NPFFR2: variants seen among roughly 807,000 people sequenced by gnomAD.
The protein encoded by NPFFR2 is neuropeptide FF receptor 2.
NPFFR2 carries 15 observed loss-of-function variants against 13.1 expected under a neutral mutation model. That is an observed-to-expected ratio of 1.15 (90% CI 0.77 to 1.76). The LOEUF (loss-of-function observed/expected upper bound fraction) is 1.76. Among genes scored for constraint, NPFFR2 ranks in the 40% most tolerant of loss-of-function variants. The probability of loss-of-function intolerance (pLI) is 0.00; values close to 1 mark genes in which losing one functional copy is unlikely to be tolerated. For missense variants in NPFFR2, 572 were observed against 503.5 expected (o/e 1.14, Z -1.30); for synonymous variants, 190 against 175.7 (o/e 1.08, Z -0.65).
chr4:72,036,511 G>GTA (rs1178387661), intron 1 of NPFFR2, among the ~76,000 whole-genome samples: 2 of 120,092 alleles, frequency 1.7e-5, no homozygotes, highest in East Asian at 3.8e-4. Context: ...GTGTGTGTGT[G>GTA]TATATATATA....
intron 1 of NPFFR2, among the ~76,000 whole-genome samples, chr4:72,050,767 C>G: frequency 6.7e-6 from 1 of 149,064 alleles, no homozygotes; most frequent in African/African-American, 2.5e-5. Flanking sequence ...TCCCACCTCC[C>G]CCCACCCCAC....
chr4:72,126,025 G>T (rs1326479015), intron 1 of NPFFR2, among the ~76,000 whole-genome samples: 1 of 152,068 alleles, frequency 6.6e-6, no homozygotes, highest in African/African-American at 2.4e-5. Flanking sequence ...TACATTTATG[G>T]AATTTTTCTA....
At position 72,147,870 on chromosome 4, in the gene NPFFR2, T is replaced by A; in HGVS notation, c.*58T>A. ...CGCATTATATATTTAAATCCATTGC[T>A]TTTTGTGGCTTTGCACTTCAAATTT... On this transcript the variant is annotated 3_prime_UTR_variant, in exon 4 of 4. Transcript: ENST00000308744. 2 of 1,259,746 alleles carry A rather than the reference T, an allele frequency of 1.6e-6. No individual in the cohort carries two copies. Among genetic ancestry groups the A allele is most frequent in the Non-Finnish European group, 2.1e-6 (2 of 937,552 alleles). 78.0% of individuals were successfully genotyped at this position (1,259,746 alleles called of 1,614,324 possible).
intron 3 of NPFFR2, among the ~76,000 whole-genome samples, chr4:72,139,055 G>C (rs916925503): frequency 6.6e-6 from 1 of 152,188 alleles, no homozygotes; most frequent in Non-Finnish European, 1.5e-5. Flanking sequence ...CTGCACAAAT[G>C]TCTTCTTTTG....
chr4:72,129,890 G>A (rs1229648500), intron 2 of NPFFR2, among the ~76,000 whole-genome samples: 3 of 79,526 alleles, frequency 3.8e-5, no homozygotes, highest in Middle Eastern at 3.9e-3. Context: ...AGGTCCCTGC[G>A]GCCTTCCGCA....
intron 1 of NPFFR2, among the ~76,000 whole-genome samples, chr4:72,108,828 T>A (rs1209184366): frequency 1.3e-5 from 2 of 152,022 alleles, no homozygotes; most frequent in African/African-American, 4.8e-5. Flanking sequence ...TGGAGACACT[T>A]AATTGAACAA....
intron 2 of NPFFR2, among the ~76,000 whole-genome samples, chr4:72,132,191 A>G (rs928835741): frequency 4.6e-5 from 7 of 151,038 alleles, no homozygotes; most frequent in African/African-American, 1.7e-4. Flanking sequence ...AGGCCCCAGT[A>G]CGTGTCGTTC....
chr4:72,086,064 G>T (rs978694639), intron 1 of NPFFR2, among the ~76,000 whole-genome samples: 7 of 152,020 alleles, frequency 4.6e-5, no homozygotes, highest in Admixed American at 2.6e-4. Context: ...AGGTTATTAT[G>T]AGCATTCTTT....
At chr4:72,136,550 G>A (rs1165553878) in intron 2 of NPFFR2, among the ~76,000 whole-genome samples, 2 of 152,146 alleles carry the variant, frequency 1.3e-5, no homozygotes, top group Non-Finnish European at 2.9e-5. Context: ...TATTCATTGG[G>A]AAATTCCCAA....
chr4:72,112,468 A>G (rs897499049), intron 1 of NPFFR2, among the ~76,000 whole-genome samples: 3 of 151,918 alleles, frequency 2.0e-5, no homozygotes, highest in Non-Finnish European at 4.4e-5. Flanking sequence ...CCCCCTCTGC[A>G]TTACCTGAGC....
chr4:72,035,703 A>G (rs568465138), intron 1 of NPFFR2, among the ~76,000 whole-genome samples: 2 of 152,308 alleles, frequency 1.3e-5, no homozygotes, highest in African/African-American at 4.8e-5. Context: ...TAGAAAAAGG[A>G]AAGAAAAAAC....
intron 1 of NPFFR2, among the ~76,000 whole-genome samples, chr4:72,067,627 T>A (rs1376559749): frequency 2.9e-4 from 1 of 3,450 alleles, no homozygotes; most frequent in Admixed American, 4.9e-3. Flanking sequence ...CCTTCTTCAG[T>A]TTTTTTTCTC....
At chr4:72,143,758 A>G (rs2109849225) in intron 3 of NPFFR2, among the ~76,000 whole-genome samples, 1 of 152,292 alleles carries the variant, frequency 6.6e-6, no homozygotes, top group Admixed American at 6.5e-5. Context: ...TCATCTCTGT[A>G]TCTCAAATCC....
At chr4:72,120,640 C>T (rs1055030212) in intron 1 of NPFFR2, among the ~76,000 whole-genome samples, 1 of 152,138 alleles carries the variant, frequency 6.6e-6, no homozygotes, top group Non-Finnish European at 1.5e-5. Context: ...CTCCAGCAAA[C>T]TCTAGTAGAC....
At chr4:72,146,346 T>G (rs1030104683) in intron 3 of NPFFR2, among the ~76,000 whole-genome samples, 3 of 152,182 alleles carry the variant, frequency 2.0e-5, no homozygotes, top group African/African-American at 4.8e-5. Flanking sequence ...GTCTGGATTT[T>G]AAGAGGAAGC....
intron 1 of NPFFR2, among the ~76,000 whole-genome samples, chr4:72,057,877 C>T (rs1008990910): frequency 6.6e-6 from 1 of 151,824 alleles, no homozygotes; most frequent in Admixed American, 6.6e-5. Context: ...TGAAGAGTAC[C>T]GTGTCACTTC....
At chr4:72,125,541 C>G (rs1004920690) in intron 1 of NPFFR2, among the ~76,000 whole-genome samples, 3 of 152,216 alleles carry the variant, frequency 2.0e-5, no homozygotes, top group African/African-American at 7.2e-5. Flanking sequence ...GGCCAGAAGT[C>G]TGGAATGGTT....
At chr4:72,035,613 G>C (rs557710936) in intron 1 of NPFFR2, among the ~76,000 whole-genome samples, 1 of 152,106 alleles carries the variant, frequency 6.6e-6, no homozygotes, top group Non-Finnish European at 1.5e-5. Flanking sequence ...GCTTGATTCT[G>C]TTACAGCTAA....
chr4:72,089,278 T>C (rs1720850792), intron 1 of NPFFR2, among the ~76,000 whole-genome samples: 1 of 152,138 alleles, frequency 6.6e-6, no homozygotes, highest in South Asian at 2.1e-4. Flanking sequence ...CGAGTTGTAC[T>C]GCTATAAACG....
Sources: allele counts gnomAD v4.1 joint callset (sites outside exome capture counted in the v4.1 genomes callset), GRCh38; gene constraint gnomAD v4.1.1; transcripts MANE v1.5; gene names NCBI Gene and HGNC (gene_info 2026-07-23, HGNC 2026-07-21).